STX1A: variants seen among roughly 807,000 people sequenced by gnomAD.
STX1A encodes syntaxin 1A, also known as syntaxin-1A.
STX1A carries 4 observed loss-of-function variants against 37.8 expected under a neutral mutation model. The ratio of observed to expected loss-of-function variants is 0.11; its 90% CI spans 0.05 to 0.24. The LOEUF (loss-of-function observed/expected upper bound fraction) is 0.24, where lower values mean the gene tolerates loss of function less well. Among genes scored for constraint, STX1A ranks in the 10% least tolerant of loss-of-function variants. The pLI, the probability that STX1A is intolerant of heterozygous loss-of-function variation, is 1.00. For synonymous variants in STX1A, 135 were observed against 147.4 expected (o/e 0.92, Z 0.61); for missense variants, 251 against 399.9 (o/e 0.63, Z 3.18).
chr7:73,714,432 G>C (rs533732972), intron 1 of STX1A, among the ~76,000 whole-genome samples: 1 of 151,688 alleles, frequency 6.6e-6, no homozygotes, highest in South Asian at 2.1e-4. Context: ...ACAGAATCTC[G>C]CTTTGTTGTC....
chr7:73,704,106 T>G, intron 6 of STX1A, 42 bp downstream of exon 6: 4 of 1,507,518 alleles, frequency 2.7e-6, no homozygotes, highest in Non-Finnish European at 2.7e-6. Context: ...GCCCCGCCCC[T>G]CCAGGCTCCA....
At chr7:73,713,065 G>A (rs1799160720) in intron 1 of STX1A, among the ~76,000 whole-genome samples, 1 of 152,184 alleles carries the variant, frequency 6.6e-6, no homozygotes, top group Admixed American at 6.5e-5. Context: ...ACCACTGTCT[G>A]TGGAGTGGAT....
intron 2 of STX1A, 134 bp downstream of exon 2, chr7:73,708,911 C>A: frequency 9.7e-7 from 1 of 1,029,348 alleles, no homozygotes; most frequent in Non-Finnish European, 1.5e-6. Flanking sequence ...ACCCTCAAAA[C>A]GGTTCATTCG....
rs377559230 is a variant in STX1A at position 73,700,861 on chromosome 7, G to A, written c.679-21C>T. ...TCTCCCTGCGGGGCCGGGGGCACCC[G>A]AGCTCCAGAGGGCCCCCTCCTCAGG... On this transcript the variant is annotated intron_variant, in intron 8 of 9. Coordinates refer to ENST00000222812, the MANE Select transcript of STX1A (RefSeq NM_004603.4). This position sits in a 1 kb window ranked among gnomAD's most constrained non-coding sequence, Gnocchi z 4.4. The A allele has an allele frequency of 6.0e-5, 97 of 1,611,500 alleles. 1 individual carries two copies. In the Admixed American group the frequency reaches 6.8e-4, roughly 11 times the overall value.
At position 73,702,830 on chromosome 7, in the gene STX1A, G is replaced by A; in HGVS notation, c.678+15C>T. The stretch of plus-strand genomic sequence containing the variant: ...GTGTGGGCTGGAGTGGAGGGCAGGG[G>A]GGCCCGGCACTCACCTGGCTCTCCA... On this transcript the variant is annotated intron_variant, in intron 8 of 9. Transcript: ENST00000222812. This position sits in a 1 kb window ranked among gnomAD's most constrained non-coding sequence, Gnocchi z 4.7. 3 of 1,613,760 alleles carry A rather than the reference G, an allele frequency of 1.9e-6. No individual in the cohort carries two copies. Among genetic ancestry groups the A allele is most frequent in the Non-Finnish European group, 2.5e-6 (3 of 1,179,948 alleles).
Position 73,700,401 on chromosome 7 carries a change from T to C in STX1A, c.*6A>G, listed in dbSNP as rs1246529697. On this transcript the variant is annotated 3_prime_UTR_variant, in exon 10 of 10. Transcript: ENST00000222812. The surrounding 1 kb of genome is among the most constrained non-coding windows in gnomAD (Gnocchi z 4.4). Reference sequence around the variant, plus strand: ...ACCTGGAGTGGAGTGGCAGTTTGGGTGGCTTCTAGGCGAAGATGCCCCCAA... The same window carrying C: ...ACCTGGAGTGGAGTGGCAGTTTGGGCGGCTTCTAGGCGAAGATGCCCCCAA... The C allele has an allele frequency of 3.1e-6, 5 of 1,613,484 alleles. No individual in the cohort carries two copies. Among genetic ancestry groups the C allele is most frequent in the Non-Finnish European group, 4.2e-6 (5 of 1,179,856 alleles).
intron 1 of STX1A, among the ~76,000 whole-genome samples, chr7:73,719,117 C>A (rs1554619185): frequency 6.6e-6 from 1 of 151,938 alleles, no homozygotes; most frequent in African/African-American, 2.4e-5. Flanking sequence ...CAGCGGGGCC[C>A]CGCGCAGGGG....
intron 1 of STX1A, 152 bp downstream of exon 1, chr7:73,719,450 G>C (rs1269160417): frequency 2.6e-6 from 2 of 759,556 alleles, no homozygotes; most frequent in Non-Finnish European, 3.5e-6. Flanking sequence ...CCCGGAGGGG[G>C]GTCGAGGTCC....
intron 5 of STX1A, 42 bp from the exon 6 acceptor site, chr7:73,704,298 G>A (rs782383660): frequency 1.6e-5 from 26 of 1,613,678 alleles, no homozygotes; most frequent in Non-Finnish European, 2.1e-5. Context: ...GGCCCTGCGG[G>A]GACCGACCCA....
In STX1A at chr7:73,700,571, CGGG is replaced by C; in HGVS notation, c.790-90_790-88del. 1.3e-6 allele frequency: 2 copies of C among 1,504,060 alleles called. No homozygotes were observed. The highest frequency in any genetic ancestry group is 1.8e-6 in the Non-Finnish European group (2 of 1,110,774). 93.2% of individuals were successfully genotyped at this position (1,504,060 alleles called of 1,614,324 possible). A position where few individuals can be genotyped will look rare whatever the true frequency, so the allele number is the denominator to read the frequency against. On this transcript the variant is annotated intron_variant, in intron 9 of 9. Coordinates refer to ENST00000222812, the MANE Select transcript of STX1A (RefSeq NM_004603.4). This position sits in a 1 kb window ranked among gnomAD's most constrained non-coding sequence, Gnocchi z 4.4. ...TGGCAAAGGCTGAGGACTGGACAGT[CGGG>C]GGGGATCCAAGCAGGGGAAGGTGAC...
intron 1 of STX1A, among the ~76,000 whole-genome samples, chr7:73,719,208 G>A (rs1373131193): frequency 6.6e-6 from 1 of 152,082 alleles, no homozygotes; most frequent in African/African-American, 2.4e-5. Flanking sequence ...TGTCTACACC[G>A]AGGGGGCACG....
At chr7:73,716,042 G>A (rs1439646202) in intron 1 of STX1A, among the ~76,000 whole-genome samples, 2 of 152,222 alleles carry the variant, frequency 1.3e-5, no homozygotes, top group South Asian at 2.1e-4. Context: ...CAGGCTGCAT[G>A]ACCTCAGATA....
chr7:73,700,947 G>A lies in STX1A; in HGVS notation c.679-107C>T. 1 of 1,550,668 alleles carries A rather than the reference G, an allele frequency of 6.4e-7. No individual in the cohort carries two copies. The highest frequency in any genetic ancestry group is 8.7e-7 in the Non-Finnish European group (1 of 1,153,336). ...CACCCTGAGGCTAGAGACAAAAAGG[G>A]GGCGTGAGGAGGTTAGGGTACAGCT... On this transcript the variant is annotated intron_variant, in intron 8 of 9. Coordinates refer to ENST00000222812, the MANE Select transcript of STX1A (RefSeq NM_004603.4). The surrounding 1 kb of genome is among the most constrained non-coding windows in gnomAD (Gnocchi z 4.4).
At position 73,702,751 on chromosome 7, in the gene STX1A, G is replaced by A. The variant is rs751016861; in HGVS notation, c.678+94C>T. The A allele has an allele frequency of 1.3e-5, 21 of 1,595,952 alleles. No individual in the cohort carries two copies. Among genetic ancestry groups the A allele is most frequent in the East Asian group, 2.2e-5 (1 of 44,562 alleles). On this transcript the variant is annotated intron_variant, in intron 8 of 9. Transcript: ENST00000222812. The surrounding 1 kb of genome is among the most constrained non-coding windows in gnomAD (Gnocchi z 4.7). ...TTACCTGAGAACTTGGTCCCTCCCCGGCAGGGCAGCGTGTCGGGCAGAAAG... is the reference window on the plus strand; with the variant it reads ...TTACCTGAGAACTTGGTCCCTCCCCAGCAGGGCAGCGTGTCGGGCAGAAAG...
At position 73,700,594 on chromosome 7, in the gene STX1A, G is replaced by A; in HGVS notation, c.790-110C>T. The stretch of plus-strand genomic sequence containing the variant: ...GTCGGGGGGGATCCAAGCAGGGGAA[G>A]GTGACGGCCTGGGAGGGGGCTGTCA... On this transcript the variant is annotated intron_variant, in intron 9 of 9. Coordinates refer to ENST00000222812, the MANE Select transcript of STX1A (RefSeq NM_004603.4). This position sits in a 1 kb window ranked among gnomAD's most constrained non-coding sequence, Gnocchi z 4.4. The A allele has an allele frequency of 6.6e-7, 1 of 1,506,438 alleles. No homozygotes were observed. The highest frequency in any genetic ancestry group is 9.1e-7 in the Non-Finnish European group (1 of 1,104,620). 93.3% of individuals were successfully genotyped at this position (1,506,438 alleles called of 1,614,324 possible).
intron 1 of STX1A, among the ~76,000 whole-genome samples, chr7:73,710,834 G>A (rs1554617841): frequency 6.6e-6 from 1 of 152,178 alleles, no homozygotes; most frequent in Non-Finnish European, 1.5e-5. Context: ...GAGGTTGAGG[G>A]GCTGAGAGAA....
chr7:73,708,402 C>A (rs1460302525), intron 3 of STX1A, among the ~76,000 whole-genome samples, 187 bp downstream of exon 3: 3 of 152,186 alleles, frequency 2.0e-5, no homozygotes, highest in African/African-American at 7.2e-5. Context: ...ACTGACCCCC[C>A]AGTTCCAAGC....
rs1180375327 is a variant in STX1A, at chr7:73,704,624, G to A, written c.284-201C>T. ...GTGACGCTGTGTGGTGTGTGCATGT[G>A]TGTAAATGCACACCCACTCCAAGCT... On this transcript the variant is annotated intron_variant, in intron 4 of 9. Transcript: ENST00000222812. 7 of 640,346 alleles carry A rather than the reference G, an allele frequency of 1.1e-5. No homozygotes were observed. The East Asian group carries it at 1.9e-4, about 18-fold the overall frequency. The allele number at this position is 640,346 out of a possible 1,614,324, so 39.7% of individuals were successfully genotyped here.
At position 73,708,906 on chromosome 7, in the gene STX1A, CA is replaced by C. The variant is rs1165129728; in HGVS notation, c.108+138del. 4.9e-6 allele frequency: 5 copies of C among 1,016,132 alleles called. No individual in the cohort carries two copies. The East Asian group carries it at 1.2e-4, about 24-fold the overall frequency. The allele number at this position is 1,016,132 out of a possible 1,614,324, so 62.9% of individuals were successfully genotyped here. A position where few individuals can be genotyped will look rare whatever the true frequency, so the allele number is the denominator to read the frequency against. On this transcript the variant is annotated intron_variant, in intron 2 of 9. Transcript: ENST00000222812. The stretch of plus-strand genomic sequence containing the variant: ...CTCTGAGCTTCCATCTATTCACCCT[CA>C]AAACGGTTCATTCGTTGGCACCCCG...
Sources: gnomAD v4.1 joint callset for allele counts (sites outside exome capture counted in the v4.1 genomes callset) on GRCh38, gnomAD v4.1.1 for gene constraint, Gnocchi (gnomAD v3.1) non-coding constraint, MANE v1.5 for transcripts, NCBI Gene and HGNC (gene_info 2026-07-23, HGNC 2026-07-21) for gene names.